EPM2A: variants seen among roughly 807,000 people sequenced by gnomAD.
EPM2A encodes EPM2A glucan phosphatase, laforin.
Under a neutral mutation model 26.5 loss-of-function variants are expected in EPM2A, and 21 were observed. The ratio of observed to expected loss-of-function variants is 0.79; its 90% CI spans 0.56 to 1.14. The LOEUF (loss-of-function observed/expected upper bound fraction) is 1.14, where lower values mean the gene tolerates loss of function less well. EPM2A is among the 50% of genes most tolerant of loss of function. The pLI, the probability that EPM2A is intolerant of heterozygous loss-of-function variation, is 0.00. For synonymous variants in EPM2A, 217 were observed against 177.6 expected, an observed-to-expected ratio of 1.22 and a Z score of -1.76; for missense variants, 458 against 440.8, an observed-to-expected ratio of 1.04 and a Z score of -0.35.
At chr6:145,673,706 T>G (rs1309876728) in intron 2 of EPM2A, among the ~76,000 whole-genome samples, 1 of 152,096 alleles carries the variant, frequency 6.6e-6, no homozygotes, top group Non-Finnish European at 1.5e-5. Flanking sequence ...CCTGAGAGGC[T>G]GCAGCCTGGT....
At chr6:145,704,005 G>A (rs1015528405) in intron 1 of EPM2A, among the ~76,000 whole-genome samples, 1 of 152,146 alleles carries the variant, frequency 6.6e-6, no homozygotes. Context: ...TTTTAAAATT[G>A]TCATAAAGAA....
chr6:145,718,515 C>A (rs1460544810), intron 1 of EPM2A, among the ~76,000 whole-genome samples: 1 of 151,974 alleles, frequency 6.6e-6, no homozygotes, highest in Non-Finnish European at 1.5e-5. Context: ...CCATAAAAAC[C>A]CTAGAAGAAA....
chr6:145,568,857 G>C (rs993637621), intron 2 of EPM2A, among the ~76,000 whole-genome samples: 1 of 152,172 alleles, frequency 6.6e-6, no homozygotes, highest in Non-Finnish European at 1.5e-5. Context: ...TTAGGAGCAC[G>C]ATGAGGACAA....
chr6:145,417,892 A>G (rs1181441645), intron 4 of EPM2A, among the ~76,000 whole-genome samples: 2 of 152,086 alleles, frequency 1.3e-5, no homozygotes, highest in Non-Finnish European at 2.9e-5. Context: ...CCAGCAGCTG[A>G]GCCACACTCC....
intron 1 of EPM2A, among the ~76,000 whole-genome samples, chr6:145,691,895 A>G (rs895894565): frequency 6.6e-6 from 1 of 152,056 alleles, no homozygotes; most frequent in East Asian, 1.9e-4. Flanking sequence ...ACATACCAAT[A>G]ATTATGTTAA....
At chr6:145,573,590 A>G (rs990252049) in intron 2 of EPM2A, among the ~76,000 whole-genome samples, 2 of 152,220 alleles carry the variant, frequency 1.3e-5, no homozygotes, top group Non-Finnish European at 2.9e-5. Context: ...GATGGCACTA[A>G]TCTCCGCAAT....
intron 4 of EPM2A, among the ~76,000 whole-genome samples, chr6:145,408,997 C>T (rs1209953316): frequency 1.3e-5 from 2 of 152,068 alleles, no homozygotes; most frequent in African/African-American, 4.8e-5. Context: ...GCTTTCAGAC[C>T]ACAGCAAGTA....
chr6:145,476,712 G>A (rs1240244924), intron 4 of EPM2A, among the ~76,000 whole-genome samples: 1 of 151,956 alleles, frequency 6.6e-6, no homozygotes, highest in African/African-American at 2.4e-5. Flanking sequence ...GTGGGTCACT[G>A]AAGAAATTAA....
chr6:145,657,211 TC>T (rs1778363383), intron 2 of EPM2A, among the ~76,000 whole-genome samples: 2 of 149,576 alleles, frequency 1.3e-5, no homozygotes, highest in African/African-American at 4.9e-5. Flanking sequence ...TGCCTCAGCC[TC>T]CCGAGTAGCT....
At chr6:145,434,750 CCA>C (rs1778966531) in intron 4 of EPM2A, among the ~76,000 whole-genome samples, 1 of 152,076 alleles carries the variant, frequency 6.6e-6, no homozygotes, top group Non-Finnish European at 1.5e-5. Flanking sequence ...CAAAGAAACT[CCA>C]CAGTTACTAG....
At chr6:145,505,107 AG>A (rs1162485256) in intron 2 of EPM2A, among the ~76,000 whole-genome samples, 2 of 90,992 alleles carry the variant, frequency 2.2e-5, no homozygotes, top group African/African-American at 4.4e-5. Flanking sequence ...GGGTGGGGGG[AG>A]GGGGGAGGGA....
intron 4 of EPM2A, among the ~76,000 whole-genome samples, chr6:145,390,916 G>C (rs1463317690): frequency 6.6e-6 from 1 of 152,046 alleles, no homozygotes; most frequent in Non-Finnish European, 1.5e-5. Context: ...GTTCAACCTG[G>C]TCAAGTTGCC....
intron 2 of EPM2A, among the ~76,000 whole-genome samples, chr6:145,614,651 C>A (rs1233990103): frequency 6.6e-6 from 1 of 152,072 alleles, no homozygotes; most frequent in African/African-American, 2.4e-5. Flanking sequence ...AATAGGGAGG[C>A]CTAAGGAGAG....
At chr6:145,725,225 C>A (rs1776141174) in intron 1 of EPM2A, among the ~76,000 whole-genome samples, 2 of 151,990 alleles carry the variant, frequency 1.3e-5, no homozygotes, top group Non-Finnish European at 2.9e-5. Context: ...TACAGAATTG[C>A]ACATCTAAAC....
At chr6:145,679,315 G>A (rs958502929) in intron 2 of EPM2A, among the ~76,000 whole-genome samples, 2 of 152,004 alleles carry the variant, frequency 1.3e-5, no homozygotes, top group African/African-American at 4.8e-5. Flanking sequence ...TGTAAATGAC[G>A]AGTTGATGGG....
chr6:145,464,589 T>C (rs553980840), intron 4 of EPM2A, among the ~76,000 whole-genome samples: 1 of 152,296 alleles, frequency 6.6e-6, no homozygotes, highest in South Asian at 2.1e-4. Flanking sequence ...CAGCTATTTT[T>C]AGTTATTTAG....
At chr6:145,552,793 G>C (rs71566415) in intron 2 of EPM2A, among the ~76,000 whole-genome samples, 2,002 of 152,084 alleles carry the variant, frequency 0.013, 26 homozygotes, top group South Asian at 0.071. Context: ...TTGGACGTGG[G>C]CTCTGACAAC....
intron 2 of EPM2A, among the ~76,000 whole-genome samples, chr6:145,657,185 G>C (rs555021591): frequency 1.3e-5 from 2 of 151,210 alleles, no homozygotes; most frequent in South Asian, 4.2e-4. Flanking sequence ...CGCCTCCTGG[G>C]TTCAAGTGAT....
At chr6:145,499,735 T>G (rs951259533), downstream of EPM2A, among the ~76,000 whole-genome samples, 3 of 152,250 alleles carry the variant, frequency 2.0e-5, no homozygotes, top group Non-Finnish European at 4.4e-5. Flanking sequence ...TATTACTGTT[T>G]TATAAAGATC....
Sources: gnomAD v4.1 joint callset for allele counts (sites outside exome capture counted in the v4.1 genomes callset) on GRCh38, gnomAD v4.1.1 for gene constraint, MANE v1.5 for transcripts, NCBI Gene and HGNC (gene_info 2026-07-23, HGNC 2026-07-21) for gene names.